C5orf22: variants seen among roughly 807,000 people sequenced by gnomAD.
The protein encoded by C5orf22 is UPF0489 protein C5orf22.
In C5orf22, 36 loss-of-function variants were observed where a neutral mutation model predicts 48.7. That is an observed-to-expected ratio of 0.74 (90% CI 0.57 to 0.98). C5orf22 has a LOEUF of 0.98. Among genes scored for constraint, C5orf22 ranks in the 50% least tolerant of loss-of-function variants. The pLI is 0.00. For synonymous variants in C5orf22, 141 were observed against 180.8 expected (o/e 0.78, Z 1.76); for missense variants, 486 against 521.9 (o/e 0.93, Z 0.67).
At chr5:31,532,955 CT>C (rs796602934) in intron 1 of C5orf22, among the ~76,000 whole-genome samples, 27 of 149,702 alleles carry the variant, frequency 1.8e-4, no homozygotes, top group Admixed American at 8.7e-4. Context: ...GTTTAAAAAT[CT>C]TTTTTTTTTC....
In C5orf22 at chr5:31,551,240, A is replaced by G. The variant is rs1580463648; in HGVS notation, c.1060-53A>G. 43 of 1,565,844 alleles carry G rather than the reference A, an allele frequency of 2.7e-5. No homozygotes were observed. In the East Asian group the frequency reaches 9.4e-4, roughly 34 times the overall value. On this transcript the variant is annotated intron_variant, in intron 7 of 8. Transcript: ENST00000325366. The stretch of plus-strand genomic sequence containing the variant: ...CAATAAGGCCATTAATGATTAAAGA[A>G]GCTTATAAAAACAACTGTCATACAG...
chr5:31,537,468 T>C (rs778828191), intron 3 of C5orf22, among the ~76,000 whole-genome samples: 21 of 152,350 alleles, frequency 1.4e-4, no homozygotes, highest in Admixed American at 6.5e-4. Context: ...TTAATCTATT[T>C]TTGGAAAATA....
At chr5:31,552,424 A>C (rs1313163286) in intron 8 of C5orf22, among the ~76,000 whole-genome samples, 1 of 152,200 alleles carries the variant, frequency 6.6e-6, no homozygotes, top group Non-Finnish European at 1.5e-5. Context: ...CTAAGATAAT[A>C]AGCCCCTGTA....
At chr5:31,535,723 G>T in intron 2 of C5orf22, 21 bp from the exon 3 acceptor site, 1 of 1,552,212 alleles carries the variant, frequency 6.4e-7, no homozygotes, top group Non-Finnish European at 8.7e-7. Context: ...TTTTAATGTT[G>T]TCTCTATGTT....
At chr5:31,544,315 G>A (rs1036925104) in intron 6 of C5orf22, among the ~76,000 whole-genome samples, 13 of 152,218 alleles carry the variant, frequency 8.5e-5, no homozygotes, top group Non-Finnish European at 1.3e-4. Flanking sequence ...CGGGCGCGAT[G>A]GCTCACGCCT....
intron 1 of C5orf22, among the ~76,000 whole-genome samples, chr5:31,533,643 C>G (rs1741866596): frequency 6.6e-6 from 1 of 152,044 alleles, no homozygotes; most frequent in African/African-American, 2.4e-5. Flanking sequence ...GAGAAATGGC[C>G]TTTATAGACC....
rs544789295 is a variant in C5orf22, at chr5:31,532,304, C to G, written c.-89C>G. On this transcript the variant is annotated 5_prime_UTR_variant, in exon 1 of 9. Transcript: ENST00000325366. ...AACCGGGTGAGGGAGCGCTTCCGCC[C>G]GGAGAGAGCTGGCCGGGATGAGGCG... is the stretch of plus-strand genomic sequence containing the variant. 1.7e-5 allele frequency: 24 copies of G among 1,378,820 alleles called. No individual in the cohort carries two copies. The South Asian group carries it at 1.8e-4, about 10-fold the overall frequency. 85.4% of individuals were successfully genotyped at this position (1,378,820 alleles called of 1,614,324 possible).
chr5:31,538,225 ATTC>A (rs1335461263), intron 3 of C5orf22, 32 bp from the exon 4 acceptor site: 11 of 1,488,764 alleles, frequency 7.4e-6, no homozygotes, highest in South Asian at 2.6e-5. Flanking sequence ...TGATTTGCCC[ATTC>A]TTCTTAAAAA....
At chr5:31,533,081 A>G in intron 1 of C5orf22, among the ~76,000 whole-genome samples, 1 of 151,780 alleles carries the variant, frequency 6.6e-6, no homozygotes, top group Non-Finnish European at 1.5e-5. Flanking sequence ...CAGCCTCCTG[A>G]GTAGCTGGGA....
intron 1 of C5orf22, 118 bp from the exon 2 acceptor site, chr5:31,534,154 C>A: frequency 1.1e-6 from 1 of 886,002 alleles, no homozygotes; most frequent in Non-Finnish European, 1.7e-6. Context: ...TTCCACTTTA[C>A]AGCAACATAG....
chr5:31,544,868 G>C (rs1034277385), intron 6 of C5orf22, among the ~76,000 whole-genome samples: 1 of 152,024 alleles, frequency 6.6e-6, no homozygotes, highest in Non-Finnish European at 1.5e-5. Flanking sequence ...CCAGGAGTTC[G>C]AGGCTGCAGT....
intron 7 of C5orf22, among the ~76,000 whole-genome samples, chr5:31,545,938 T>C (rs1169286824): frequency 6.6e-6 from 1 of 152,166 alleles, no homozygotes; most frequent in African/African-American, 2.4e-5. Context: ...ATTTTATGTA[T>C]GAAGCAAAAG....
chr5:31,540,690 T>C (rs931606224), intron 4 of C5orf22, among the ~76,000 whole-genome samples: 4 of 152,194 alleles, frequency 2.6e-5, no homozygotes, highest in African/African-American at 7.2e-5. Context: ...TTTTACATAG[T>C]AGTACCATGC....
At position 31,549,453 on chromosome 5, in the gene C5orf22, CT is replaced by C. The variant is rs560601111; in HGVS notation, c.1060-1834del. Among the ~76,000 whole-genome samples the C allele has an allele frequency of 4.7e-5, 7 of 149,278 alleles. No individual in the cohort carries two copies. In the East Asian group the frequency reaches 1.4e-3, roughly 29 times the overall value. ...AACCTAAGCAAATCCAAGACTTAAA[CT>C]TTTTTGTTTAACTTTTTTTTTTTTC... On this transcript the variant is annotated intron_variant, in intron 7 of 8. Coordinates refer to ENST00000325366, the MANE Select transcript of C5orf22 (RefSeq NM_018356.3).
chr5:31,546,257 A>G (rs1377683659), intron 7 of C5orf22, among the ~76,000 whole-genome samples: 2 of 152,234 alleles, frequency 1.3e-5, no homozygotes, highest in African/African-American at 2.4e-5. Context: ...TTTGAAGCAT[A>G]TATTTTCCCA....
intron 6 of C5orf22, among the ~76,000 whole-genome samples, chr5:31,545,115 A>G (rs1359702559): frequency 6.6e-6 from 1 of 151,134 alleles, no homozygotes; most frequent in East Asian, 1.9e-4. Flanking sequence ...CTGGAGTGCA[A>G]TGGTGCGGCC....
At chr5:31,552,698 A>G in intron 8 of C5orf22, 75 bp from the exon 9 acceptor site, 1 of 1,310,818 alleles carries the variant, frequency 7.6e-7, no homozygotes, top group East Asian at 2.3e-5. Flanking sequence ...ATTGAAATGA[A>G]CACATGCAGC....
chr5:31,547,429 C>T (rs564403069), intron 7 of C5orf22, among the ~76,000 whole-genome samples: 26 of 152,340 alleles, frequency 1.7e-4, no homozygotes, highest in Admixed American at 7.8e-4. Flanking sequence ...TAGGCAGTGC[C>T]CCTAGGGACT....
intron 7 of C5orf22, among the ~76,000 whole-genome samples, chr5:31,548,877 A>G (rs969295830): frequency 6.6e-6 from 1 of 152,204 alleles, no homozygotes; most frequent in Admixed American, 6.5e-5. Context: ...CTCACATGGC[A>G]GCAGACAAGA....
Sources: allele counts gnomAD v4.1 joint callset (sites outside exome capture counted in the v4.1 genomes callset), GRCh38; gene constraint gnomAD v4.1.1; transcripts MANE v1.5; gene names NCBI Gene and HGNC (gene_info 2026-07-23, HGNC 2026-07-21).